Variants in AIF1L observed in about 807,000 individuals in gnomAD.
The protein encoded by AIF1L is allograft inflammatory factor 1-like.
AIF1L carries 12 observed loss-of-function variants against 20.7 expected under a neutral mutation model. The observed-to-expected ratio is 0.58, with a 90% CI of 0.37 to 0.94. The LOEUF (loss-of-function observed/expected upper bound fraction) is 0.94, where lower values mean the gene tolerates loss of function less well. Among genes scored for constraint, AIF1L ranks in the 40% least tolerant of loss-of-function variants. AIF1L has a pLI of 0.01. For missense variants in AIF1L, 173 were observed against 185.3 expected, an observed-to-expected ratio of 0.93 and a Z score of 0.39; for synonymous variants, 76 against 65.1, an observed-to-expected ratio of 1.17 and a Z score of -0.81.
chr9:131,116,196 CTAT>C lies in AIF1L; in HGVS notation c.203-1558_203-1556del, dbSNP rs1262245411. ...GAGCCTCCTTGAAAAAAATAACTTT[CTAT>C]TGGTCAGCCCGGCCAGAAAAAATAA... is the stretch of plus-strand genomic sequence containing the variant. On this transcript the variant is annotated intron_variant, in intron 4 of 5. Coordinates refer to ENST00000247291, the MANE Select transcript of AIF1L (RefSeq NM_031426.4). 2.0e-5 allele frequency among the ~76,000 whole-genome samples: 3 copies of C among 152,062 alleles called. No individual in the cohort carries two copies. The South Asian group carries it at 6.2e-4, about 32-fold the overall frequency.
intron 2 of AIF1L, among the ~76,000 whole-genome samples, chr9:131,104,782 C>T (rs1432382655): frequency 6.6e-6 from 1 of 151,926 alleles, no homozygotes; most frequent in Admixed American, 6.6e-5. Flanking sequence ...CTTGTAATCC[C>T]AGCACTTTGG....
chr9:131,123,037 G>T lies in AIF1L; in HGVS notation c.*2715G>T, dbSNP rs1453784443. 6.6e-6 allele frequency: 1 copy of T among 152,452 alleles called. No individual in the cohort carries two copies. Among genetic ancestry groups the T allele is most frequent in the East Asian group, 1.9e-4 (1 of 5,208 alleles). The allele number at this position is 152,452 out of a possible 1,614,324, so 9.4% of individuals were successfully genotyped here. A position where few individuals can be genotyped will look rare whatever the true frequency, so the allele number is the denominator to read the frequency against. ...CTTTGTCCCTATGACTCAGAGGAGGGTTTGTCGGGCAAATTCAGGTGGATG... is the reference window on the plus strand; with the variant it reads ...CTTTGTCCCTATGACTCAGAGGAGGTTTTGTCGGGCAAATTCAGGTGGATG... On this transcript the variant is annotated 3_prime_UTR_variant, in exon 6 of 6. Transcript: ENST00000247291.
In AIF1L at chr9:131,121,600, TG is replaced by T. The variant is rs2133417209; in HGVS notation, c.*1282del. ...ATCTCCAGAGGGAGGTGCCCTGGAC[TG>T]GGGCCCAGATGTTCAGGGACCCTGC... On this transcript the variant is annotated 3_prime_UTR_variant, in exon 6 of 6. Transcript: ENST00000247291. 1 of 153,650 alleles carries T rather than the reference TG, an allele frequency of 6.5e-6. No individual in the cohort carries two copies. Among genetic ancestry groups the T allele is most frequent in the East Asian group, 1.9e-4 (1 of 5,242 alleles). 9.5% of individuals were successfully genotyped at this position (153,650 alleles called of 1,614,324 possible).
At chr9:131,105,427 C>T (rs577086402) in intron 2 of AIF1L, among the ~76,000 whole-genome samples, 2 of 152,244 alleles carry the variant, frequency 1.3e-5, no homozygotes, top group South Asian at 2.1e-4. Context: ...TGCAGTGGCG[C>T]GATCTCAGCT....
chr9:131,101,400 G>A (rs1372171206), intron 2 of AIF1L, among the ~76,000 whole-genome samples: 1 of 152,060 alleles, frequency 6.6e-6, no homozygotes, highest in Non-Finnish European at 1.5e-5. Flanking sequence ...AGGCTGAAGT[G>A]CAGTGGTGTG....
chr9:131,104,876 C>G (rs1830710910), intron 2 of AIF1L, among the ~76,000 whole-genome samples: 1 of 141,328 alleles, frequency 7.1e-6, no homozygotes, highest in Admixed American at 7.4e-5. Flanking sequence ...CCAGCCTGGG[C>G]AACAGAGCGA....
intron 5 of AIF1L, among the ~76,000 whole-genome samples, chr9:131,119,506 GAAAAAAAAAAAA>G (rs10612336): frequency 7.1e-6 from 1 of 140,468 alleles, no homozygotes; most frequent in Non-Finnish European, 1.5e-5. Flanking sequence ...TGTCTCAAAA[GAAAAAAAAAAAA>G]AAAAAGAAAA....
Position 131,117,822 on chromosome 9 carries a change from A to T in AIF1L, c.269A>T (p.Lys90Met), listed in dbSNP as rs751087808. 1.2e-6 allele frequency: 2 copies of T among 1,614,148 alleles called. No individual in the cohort carries two copies. Among genetic ancestry groups the T allele is most frequent in the Non-Finnish European group, 8.5e-7 (1 of 1,180,024 alleles). ...GVPKTHLEMK[K>M]MISEVTGGVS... Reference sequence around the variant, plus strand: ...CCCAAGACCCACCTGGAGATGAAGAAGATGATCTCAGAGGTGACAGGAGGG... The same window carrying T: ...CCCAAGACCCACCTGGAGATGAAGATGATGATCTCAGAGGTGACAGGAGGG... Residue 90 changes from lysine (K) to methionine (M), a missense_variant, in exon 5 of 6, where the codon AAG (lysine) becomes ATG (methionine). Coordinates refer to ENST00000247291, the MANE Select transcript of AIF1L (RefSeq NM_031426.4).
intron 2 of AIF1L, among the ~76,000 whole-genome samples, chr9:131,100,440 C>T (rs1391779677): frequency 1.3e-5 from 2 of 152,174 alleles, no homozygotes; most frequent in Non-Finnish European, 2.9e-5. Context: ...TATTGTTGCT[C>T]CCATTTTTGA....
intron 2 of AIF1L, chr9:131,106,299 C>A: frequency 7.3e-7 from 1 of 1,374,432 alleles, no homozygotes; most frequent in Non-Finnish European, 1.0e-6. Flanking sequence ...AACTCCTCCA[C>A]TCATCCTGCA....
At chr9:131,106,170 T>TACCC (rs1369916798) in intron 2 of AIF1L, 1 of 1,530,512 alleles carries the variant, frequency 6.5e-7, no homozygotes. Flanking sequence ...TGCCTCCTGA[T>TACCC]ACCCACTTCC....
chr9:131,120,392 C>T lies in AIF1L; in HGVS notation c.*70C>T, dbSNP rs1831110146. ...CCCGATCTTGCTGCCCTTCTTGACACACTGTGATCTCTCTCTCTCTCATTT... is the reference window on the plus strand; with the variant it reads ...CCCGATCTTGCTGCCCTTCTTGACATACTGTGATCTCTCTCTCTCTCATTT... On this transcript the variant is annotated 3_prime_UTR_variant, in exon 6 of 6. Transcript: ENST00000247291. 7 of 1,231,346 alleles carry T rather than the reference C, an allele frequency of 5.7e-6. No individual in the cohort carries two copies. Among genetic ancestry groups the T allele is most frequent in the Admixed American group, 2.3e-5 (1 of 43,088 alleles). The allele number at this position is 1,231,346 out of a possible 1,614,324, so 76.3% of individuals were successfully genotyped here.
chr9:131,099,449 G>A (rs1588178143), intron 2 of AIF1L, among the ~76,000 whole-genome samples: 2 of 152,378 alleles, frequency 1.3e-5, no homozygotes, highest in Admixed American at 1.3e-4. Flanking sequence ...ATTGTAGGCA[G>A]AATTGTGCTG....
At position 131,120,619 on chromosome 9, in the gene AIF1L, C is replaced by T. The variant is rs1219642943; in HGVS notation, c.*297C>T. On this transcript the variant is annotated 3_prime_UTR_variant, in exon 6 of 6. Coordinates refer to ENST00000247291, the MANE Select transcript of AIF1L (RefSeq NM_031426.4). ...GGCAGGGCCAGGGCAGGGAGGCTTC[C>T]AGCCTGTGTTCCCCTCACTTGGAGG... The T allele has an allele frequency of 8.3e-6, 3 of 360,978 alleles. No individual in the cohort carries two copies. Among genetic ancestry groups the T allele is most frequent in the Non-Finnish European group, 1.5e-5 (3 of 200,994 alleles). The allele number at this position is 360,978 out of a possible 1,614,324, so 22.4% of individuals were successfully genotyped here.
intron 5 of AIF1L, among the ~76,000 whole-genome samples, chr9:131,119,433 G>A (rs1831086050): frequency 6.6e-6 from 1 of 151,814 alleles, no homozygotes; most frequent in African/African-American, 2.4e-5. Flanking sequence ...CCCAGGAGGC[G>A]GAGGTTGCAG....
Position 131,117,917 on chromosome 9 carries a change from T to C in AIF1L, c.364T>C (p.Leu122=), listed in dbSNP as rs2133408730. Residue 122 remains leucine (L), a splice_region_variant and synonymous_variant, in exon 5 of 6, where the codon TTA becomes CTA. Transcript: ENST00000247291. ...GGGGAAACGGTCGGCTGTCCTCAAG[T>C]TGTGAGTACCTCCTTCCTCCCTTGG... The part of the protein sequence containing the change: ...MLGKRSAVLK[L]VMMFEGKANE... 1 of 1,608,360 alleles carries C rather than the reference T, an allele frequency of 6.2e-7. No homozygotes were observed. Among genetic ancestry groups the C allele is most frequent in the East Asian group, 2.2e-5 (1 of 44,796 alleles).
chr9:131,120,455 G>A lies in AIF1L; in HGVS notation c.*133G>A. ...AGGGTTTGTTTGTGTTTTCATCAATGTCTTTGTAAAGCACAAATTATCTGC... is the reference window on the plus strand; with the variant it reads ...AGGGTTTGTTTGTGTTTTCATCAATATCTTTGTAAAGCACAAATTATCTGC... On this transcript the variant is annotated 3_prime_UTR_variant, in exon 6 of 6. Coordinates refer to ENST00000247291, the MANE Select transcript of AIF1L (RefSeq NM_031426.4). 1.3e-6 allele frequency: 1 copy of A among 771,380 alleles called. No homozygotes were observed. The highest frequency in any genetic ancestry group is 2.0e-6 in the Non-Finnish European group (1 of 493,386). The allele number at this position is 771,380 out of a possible 1,614,324, so 47.8% of individuals were successfully genotyped here.
At chr9:131,119,122 C>T (rs371871390) in intron 5 of AIF1L, among the ~76,000 whole-genome samples, 8 of 152,248 alleles carry the variant, frequency 5.3e-5, no homozygotes, top group Admixed American at 3.3e-4. Context: ...ACACCTACTA[C>T]GTGGTAGCAC....
At chr9:131,106,717 C>T (rs558649807) in intron 2 of AIF1L, among the ~76,000 whole-genome samples, 7 of 151,854 alleles carry the variant, frequency 4.6e-5, no homozygotes, top group South Asian at 4.2e-4. Flanking sequence ...CCAGGCAGGT[C>T]GAGGCTGCAG....
Sources: gnomAD v4.1 joint callset for allele counts (sites outside exome capture counted in the v4.1 genomes callset) on GRCh38, gnomAD v4.1.1 for gene constraint, MANE v1.5 for transcripts, NCBI Gene and HGNC (gene_info 2026-07-23, HGNC 2026-07-21) for gene names.